Variants in ROBO2 observed in about 807,000 individuals in gnomAD.
The protein encoded by ROBO2 is roundabout guidance receptor 2, also known as roundabout homolog 2.
A neutral mutation model predicts 160.8 loss-of-function variants in ROBO2; 53 were observed. The observed-to-expected ratio is 0.33, with a 90% CI of 0.26 to 0.41. ROBO2 has a LOEUF of 0.41. ROBO2 is among the 10% of genes least tolerant of loss of function. ROBO2 has a pLI of 1.00. For missense variants in ROBO2, 1,577 were observed against 1,722.4 expected (o/e 0.92, Z 1.49); for synonymous variants, 664 against 611.7 (o/e 1.09, Z -1.26).
chr3:76,787,893 C>A (rs150387426), intron 2 of ROBO2, among the ~76,000 whole-genome samples: 1 of 151,308 alleles, frequency 6.6e-6, no homozygotes, highest in African/African-American at 2.4e-5. Flanking sequence ...TTACAACAAC[C>A]CATCATGATA....
At chr3:76,368,102 T>A (rs2075920209) in intron 2 of ROBO2, among the ~76,000 whole-genome samples, 1 of 151,840 alleles carries the variant, frequency 6.6e-6, no homozygotes, top group Admixed American at 6.6e-5. Flanking sequence ...AAAAATTCTA[T>A]CATTTTTTTT....
At chr3:77,445,794 G>GTTTTTTTTTTTTTTTTTTTTTTTTT (rs199914360) in intron 2 of ROBO2, among the ~76,000 whole-genome samples, 1 of 123,078 alleles carries the variant, frequency 8.1e-6, no homozygotes, top group Non-Finnish European at 1.7e-5. Context: ...GTTTTTTTTT[G>GTTTTTTTTTTTTTTTTTTTTTTTTT]TTTTTTTTTT....
chr3:77,390,731 G>A (rs976556455), intron 2 of ROBO2, among the ~76,000 whole-genome samples: 7 of 152,088 alleles, frequency 4.6e-5, no homozygotes, highest in Non-Finnish European at 7.4e-5. Flanking sequence ...AATAGCATGT[G>A]TGCCACTTAC....
intron 2 of ROBO2, among the ~76,000 whole-genome samples, chr3:76,046,038 A>G (rs567043399): frequency 6.6e-6 from 1 of 152,018 alleles, no homozygotes; most frequent in South Asian, 2.1e-4. Context: ...CACTGCTTGT[A>G]TACCTTTCAA....
At chr3:76,651,188 C>G (rs1311465608) in intron 2 of ROBO2, among the ~76,000 whole-genome samples, 4 of 152,146 alleles carry the variant, frequency 2.6e-5, no homozygotes, top group African/African-American at 9.7e-5. Context: ...ATCTGTCCAT[C>G]TCTCAACTCA....
chr3:77,026,209 AT>A (rs2149528291), intron 2 of ROBO2, among the ~76,000 whole-genome samples: 1 of 152,254 alleles, frequency 6.6e-6, no homozygotes, highest in African/African-American at 2.4e-5. Context: ...CTAGGGATAA[AT>A]TTTGACCTTT....
At chr3:76,220,141 T>C (rs1414324490) in intron 2 of ROBO2, among the ~76,000 whole-genome samples, 2 of 128,372 alleles carry the variant, frequency 1.6e-5, no homozygotes, top group African/African-American at 3.0e-5. Flanking sequence ...AACACATGGA[T>C]ACAGGAAGGG....
At chr3:76,762,786 A>G (rs1417698702) in intron 2 of ROBO2, among the ~76,000 whole-genome samples, 1 of 151,712 alleles carries the variant, frequency 6.6e-6, no homozygotes, top group Non-Finnish European at 1.5e-5. Context: ...TAAATGGGCA[A>G]GTGTATCGCA....
At chr3:76,771,364 A>T (rs2108501742) in intron 2 of ROBO2, among the ~76,000 whole-genome samples, 1 of 151,404 alleles carries the variant, frequency 6.6e-6, no homozygotes, top group Non-Finnish European at 1.5e-5. Context: ...GGCTACTAGC[A>T]AACTTAAAAT....
intron 2 of ROBO2, among the ~76,000 whole-genome samples, chr3:76,137,367 G>A (rs571913865): frequency 1.3e-4 from 20 of 152,020 alleles, no homozygotes; most frequent in African/African-American, 4.3e-4. Flanking sequence ...CCTAGAAAAC[G>A]TACCCTTTCT....
intron 2 of ROBO2, among the ~76,000 whole-genome samples, chr3:76,955,691 A>G (rs1341267285): frequency 1.3e-5 from 2 of 152,168 alleles, no homozygotes; most frequent in East Asian, 3.9e-4. Context: ...TGATGTCCTT[A>G]TTTAACTGGA....
chr3:77,615,801 C>T (rs9309777), intron 21 of ROBO2, among the ~76,000 whole-genome samples: 7 of 152,208 alleles, frequency 4.6e-5, no homozygotes, highest in East Asian at 1.9e-4. Context: ...AAAATATACA[C>T]GTTCAAGTTT....
At chr3:77,304,464 C>G (rs576227918) in intron 2 of ROBO2, among the ~76,000 whole-genome samples, 1 of 152,116 alleles carries the variant, frequency 6.6e-6, no homozygotes, top group Non-Finnish European at 1.5e-5. Flanking sequence ...AGCCGTTAGA[C>G]GCAGCAATGA....
chr3:76,453,659 A>G (rs1296265953), intron 2 of ROBO2, among the ~76,000 whole-genome samples: 1 of 152,196 alleles, frequency 6.6e-6, no homozygotes. Context: ...TTTTTAAAAT[A>G]CCATAAATTC....
intron 2 of ROBO2, among the ~76,000 whole-genome samples, chr3:77,374,912 A>G (rs755373562): frequency 7.9e-5 from 12 of 152,236 alleles, no homozygotes; most frequent in Non-Finnish European, 1.6e-4. Context: ...TCAGTACAAT[A>G]AGATATATGA....
chr3:76,121,596 A>G (rs774060630), intron 2 of ROBO2, among the ~76,000 whole-genome samples: 1 of 152,194 alleles, frequency 6.6e-6, no homozygotes, highest in South Asian at 2.1e-4. Flanking sequence ...TGTGCTGCCT[A>G]CAGTACTGAA....
At chr3:76,398,958 A>G (rs915074575) in intron 2 of ROBO2, among the ~76,000 whole-genome samples, 1 of 151,768 alleles carries the variant, frequency 6.6e-6, no homozygotes, top group Non-Finnish European at 1.5e-5. Flanking sequence ...TATCATCATA[A>G]TTGACTTTGA....
At chr3:76,523,858 T>G (rs1455953531) in intron 2 of ROBO2, among the ~76,000 whole-genome samples, 1 of 151,976 alleles carries the variant, frequency 6.6e-6, no homozygotes, top group Non-Finnish European at 1.5e-5. Context: ...TATTTTAATA[T>G]GGGAAAGATG....
At chr3:76,740,971 C>T (rs1017103669) in intron 2 of ROBO2, among the ~76,000 whole-genome samples, 1 of 151,988 alleles carries the variant, frequency 6.6e-6, no homozygotes, top group African/African-American at 2.4e-5. Flanking sequence ...GAAAGTACAG[C>T]CTTTTGAACT....
Sources: allele counts gnomAD v4.1 joint callset (sites outside exome capture counted in the v4.1 genomes callset), GRCh38; gene constraint gnomAD v4.1.1; transcripts MANE v1.5; gene names NCBI Gene and HGNC (gene_info 2026-07-23, HGNC 2026-07-21).